The following ARHGAP10 variants were observed in gnomAD, a reference collection of about 807,000 sequenced individuals.
The protein encoded by ARHGAP10 is rho GTPase-activating protein 10.
A neutral mutation model predicts 108.6 loss-of-function variants in ARHGAP10; 87 were observed. The observed-to-expected ratio is 0.80, with a 90% CI of 0.67 to 0.96. The LOEUF (loss-of-function observed/expected upper bound fraction) is 0.96, where lower values mean the gene tolerates loss of function less well. Ranked by LOEUF, ARHGAP10 falls within the 40% of genes least tolerant of loss-of-function variation. The probability of loss-of-function intolerance (pLI) is 0.00; values close to 1 mark genes in which losing one functional copy is unlikely to be tolerated. For synonymous variants in ARHGAP10, 347 were observed against 341.1 expected, an observed-to-expected ratio of 1.02 and a Z score of -0.19; for missense variants, 939 against 954.5, an observed-to-expected ratio of 0.98 and a Z score of 0.21.
intron 22 of ARHGAP10, among the ~76,000 whole-genome samples, chr4:148,066,994 A>G (rs1473817594): frequency 6.6e-6 from 1 of 152,172 alleles, no homozygotes; most frequent in Non-Finnish European, 1.5e-5. Context: ...CAGCTCTGTC[A>G]GGACTTTGCT....
chr4:147,799,520 T>C (rs754013188), intron 1 of ARHGAP10, among the ~76,000 whole-genome samples: 3 of 152,236 alleles, frequency 2.0e-5, no homozygotes, highest in Non-Finnish European at 4.4e-5. Context: ...CACAGCCTGT[T>C]TTCTATTGTT....
chr4:147,735,257 T>C (rs1374282348), intron 1 of ARHGAP10, among the ~76,000 whole-genome samples: 1 of 152,256 alleles, frequency 6.6e-6, no homozygotes, highest in Non-Finnish European at 1.5e-5. Context: ...GGAACATTTT[T>C]GAACTCCTTC....
chr4:147,964,348 C>T (rs1739122330), intron 16 of ARHGAP10, among the ~76,000 whole-genome samples: 1 of 152,214 alleles, frequency 6.6e-6, no homozygotes, highest in Non-Finnish European at 1.5e-5. Flanking sequence ...CCTGCAGAAA[C>T]TACAGTAGAG....
chr4:148,012,827 A>T (rs772151798), intron 18 of ARHGAP10, among the ~76,000 whole-genome samples: 1 of 152,092 alleles, frequency 6.6e-6, no homozygotes, highest in Non-Finnish European at 1.5e-5. Flanking sequence ...CTTCCTTATG[A>T]TGACAAAATG....
At chr4:147,971,115 A>G (rs1327253423) in intron 18 of ARHGAP10, among the ~76,000 whole-genome samples, 1 of 148,334 alleles carries the variant, frequency 6.7e-6, no homozygotes, top group Non-Finnish European at 1.5e-5. Context: ...AAAAAAAAAA[A>G]GAGTTCCTGG....
chr4:147,796,727 G>GT (rs1731333146), intron 1 of ARHGAP10, among the ~76,000 whole-genome samples: 1 of 151,946 alleles, frequency 6.6e-6, no homozygotes, highest in Non-Finnish European at 1.5e-5. Flanking sequence ...GGGTTTCACC[G>GT]TGTTAACCAG....
intron 12 of ARHGAP10, 43 bp downstream of exon 12, chr4:147,909,820 T>A: frequency 6.4e-7 from 1 of 1,564,602 alleles, no homozygotes; most frequent in East Asian, 2.2e-5. Context: ...TCCTTTTCCA[T>A]CTATTACTTT....
chr4:147,909,723 T>C lies in ARHGAP10; in HGVS notation c.1117-9T>C, dbSNP rs780777510. ...TAAAAAATTCTGTTTTTCCATTCTC[T>C]TTTATTAGCTGTCCCATAGTTTTAA... On this transcript the variant is annotated splice_polypyrimidine_tract_variant and intron_variant, in intron 11 of 22. Transcript: ENST00000336498. 1 of 1,609,500 alleles carries C rather than the reference T, an allele frequency of 6.2e-7. No homozygotes were observed. The highest frequency in any genetic ancestry group is 1.7e-5 in the Admixed American group (1 of 59,922).
intron 1 of ARHGAP10, among the ~76,000 whole-genome samples, chr4:147,755,784 GGTGTGTGTGAGTGGTTGTGGGTGT>G (rs1346068315): frequency 2.6e-5 from 4 of 152,088 alleles, no homozygotes; most frequent in East Asian, 3.9e-4. Flanking sequence ...GTGGGGTGTG[GGTGTGTGTGAGTGGTTGTGGGTGT>G]GTGTGTGTAG....
At chr4:147,823,066 G>A in intron 3 of ARHGAP10, 109 bp downstream of exon 3, 7 of 1,102,092 alleles carry the variant, frequency 6.4e-6, no homozygotes, top group Non-Finnish European at 9.2e-6. Context: ...CCTGGGTACA[G>A]TAGTGCATTG....
chr4:147,765,345 G>GT (rs1729762741), intron 1 of ARHGAP10, among the ~76,000 whole-genome samples: 4 of 146,788 alleles, frequency 2.7e-5, no homozygotes, highest in Non-Finnish European at 6.0e-5. Flanking sequence ...TGTGGGGGGG[G>GT]GGGTGTGAGT....
At chr4:147,781,681 C>CTTTTTTTTTTTTTTTTTTTCTTTTT (rs56781517) in intron 1 of ARHGAP10, among the ~76,000 whole-genome samples, 1 of 130,586 alleles carries the variant, frequency 7.7e-6, no homozygotes, top group Non-Finnish European at 1.6e-5. Flanking sequence ...CTTTTCTTTT[C>CTTTTTTTTTTTTTTTTTTTCTTTTT]TTTTTTTTTT....
chr4:147,799,967 C>T (rs553601746), intron 1 of ARHGAP10, among the ~76,000 whole-genome samples: 2 of 152,218 alleles, frequency 1.3e-5, no homozygotes, highest in East Asian at 1.9e-4. Flanking sequence ...TTTGTTTTAG[C>T]AGGCAGCCAC....
chr4:147,784,627 T>A (rs1201597684), intron 1 of ARHGAP10, among the ~76,000 whole-genome samples: 1 of 98,760 alleles, frequency 1.0e-5, no homozygotes, highest in East Asian at 2.8e-4. Context: ...TAAATATATA[T>A]TATATATTAT....
chr4:148,064,646 C>CGGCG, intron 22 of ARHGAP10, 139 bp downstream of exon 22: 1 of 645,900 alleles, frequency 1.5e-6, no homozygotes, highest in Non-Finnish European at 2.5e-6. Context: ...GATTAAGCGG[C>CGGCG]TGCGTTAGGC....
chr4:147,970,778 A>T (rs1364412450), intron 18 of ARHGAP10, among the ~76,000 whole-genome samples: 1 of 152,220 alleles, frequency 6.6e-6, no homozygotes, highest in Non-Finnish European at 1.5e-5. Context: ...CATATGTTTT[A>T]GCTTTATTTA....
At chr4:147,764,505 A>G (rs956103732) in intron 1 of ARHGAP10, among the ~76,000 whole-genome samples, 1 of 151,980 alleles carries the variant, frequency 6.6e-6, no homozygotes, top group African/African-American at 2.4e-5. Flanking sequence ...AAACCTCCAA[A>G]TCTGGAATCA....
chr4:148,067,773 G>C (rs1030664978), intron 22 of ARHGAP10, among the ~76,000 whole-genome samples: 3 of 152,216 alleles, frequency 2.0e-5, no homozygotes, highest in Admixed American at 6.5e-5. Context: ...ATGCGTTTGG[G>C]ATGTGTGCAG....
At chr4:147,840,254 C>T (rs766970600) in intron 3 of ARHGAP10, among the ~76,000 whole-genome samples, 1 of 152,110 alleles carries the variant, frequency 6.6e-6, no homozygotes, top group African/African-American at 2.4e-5. Flanking sequence ...ATCTGCTACT[C>T]TGCAGCTTCT....
Sources: gnomAD v4.1 joint callset for allele counts (sites outside exome capture counted in the v4.1 genomes callset) on GRCh38, gnomAD v4.1.1 for gene constraint, MANE v1.5 for transcripts, NCBI Gene and HGNC (gene_info 2026-07-23, HGNC 2026-07-21) for gene names.